Variants in CPED1 observed in about 807,000 individuals in gnomAD.
CPED1 encodes cadherin-like and PC-esterase domain-containing protein 1.
A neutral mutation model predicts 128.2 loss-of-function variants in CPED1; 114 were observed. The observed-to-expected ratio is 0.89, with a 90% CI of 0.76 to 1.04. The LOEUF (loss-of-function observed/expected upper bound fraction) is 1.04. Ranked by LOEUF, CPED1 falls within the 50% of genes least tolerant of loss-of-function variation. CPED1 has a pLI of 0.00. For missense variants in CPED1, 1,211 were observed against 1,207.1 expected (o/e 1.00, Z -0.05); for synonymous variants, 462 against 426.7 (o/e 1.08, Z -1.02).
At chr7:121,245,705 T>A (rs1207593270) in intron 18 of CPED1, among the ~76,000 whole-genome samples, 1 of 151,358 alleles carries the variant, frequency 6.6e-6, no homozygotes, top group Non-Finnish European at 1.5e-5. Flanking sequence ...CACAGGCATT[T>A]TTTTTTTTTT....
intron 22 of CPED1, among the ~76,000 whole-genome samples, chr7:121,290,576 CAT>C (rs1171387936): frequency 2.0e-5 from 3 of 152,132 alleles, no homozygotes; most frequent in Admixed American, 6.5e-5. Flanking sequence ...AGCTTTTTTT[CAT>C]ATGTTTATTG....
Position 121,244,215 on chromosome 7 carries a change from G to A in CPED1, c.2187G>A (p.Val729=), listed in dbSNP as rs1194226579. ...PSGDMKGQWI[V]PCLSCSDNRT... is the part of the protein sequence containing the mutation. ...CATCTATTCCAGGCCAGTGGATTGTGCCTTGCCTTAGTTGTTCGGACAACA... is the reference window on the plus strand; with the variant it reads ...CATCTATTCCAGGCCAGTGGATTGTACCTTGCCTTAGTTGTTCGGACAACA... The change falls in exon 18 of 23, where the codon GTG becomes GTA. Residue 729 remains valine, a synonymous_variant. Coordinates refer to ENST00000310396, the MANE Select transcript of CPED1 (RefSeq NM_024913.5). 2 of 1,614,168 alleles carry A rather than the reference G, an allele frequency of 1.2e-6. No individual in the cohort carries two copies. Among genetic ancestry groups the A allele is most frequent in the African/African-American group, 1.3e-5 (1 of 75,048 alleles).
chr7:121,127,385 C>A, intron 10 of CPED1, 128 bp downstream of exon 10: 1 of 535,318 alleles, frequency 1.9e-6, no homozygotes, highest in Non-Finnish European at 3.2e-6. Flanking sequence ...TTATATCACA[C>A]TTCTTAATTT....
At chr7:121,293,767 C>G (rs1206713546) in intron 22 of CPED1, among the ~76,000 whole-genome samples, 2 of 152,104 alleles carry the variant, frequency 1.3e-5, no homozygotes, top group Middle Eastern at 3.4e-3. Flanking sequence ...GAGGGAGTTC[C>G]CTAACCCCTT....
intron 2 of CPED1, among the ~76,000 whole-genome samples, 173 bp from the exon 3 acceptor site, chr7:121,015,492 T>C (rs1938696055): frequency 2.6e-5 from 4 of 152,242 alleles, no homozygotes; most frequent in Admixed American, 1.3e-4. Flanking sequence ...GACCTTCAGT[T>C]CTTGCATATG....
At chr7:121,062,559 G>A (rs1164658833) in intron 4 of CPED1, among the ~76,000 whole-genome samples, 2 of 152,016 alleles carry the variant, frequency 1.3e-5, no homozygotes, top group African/African-American at 4.8e-5. Context: ...TTTAGTTTCT[G>A]AGATTTCTCA....
intron 18 of CPED1, among the ~76,000 whole-genome samples, chr7:121,251,466 G>A (rs993530575): frequency 4.6e-5 from 7 of 151,928 alleles, no homozygotes; most frequent in African/African-American, 1.7e-4. Flanking sequence ...TTCTGGCCAG[G>A]GCAATCAGGC....
chr7:121,279,645 C>T (rs1288705332), intron 22 of CPED1, among the ~76,000 whole-genome samples: 2 of 152,124 alleles, frequency 1.3e-5, no homozygotes, highest in Non-Finnish European at 2.9e-5. Context: ...GGCTGAGACA[C>T]AGGTCAGAAA....
chr7:121,066,452 A>G (rs987805992), intron 5 of CPED1, among the ~76,000 whole-genome samples: 1 of 152,156 alleles, frequency 6.6e-6, no homozygotes, highest in African/African-American at 2.4e-5. Context: ...TATTCCTAAC[A>G]CATAATGTCC....
At chr7:121,179,861 C>A (rs879818251) in intron 16 of CPED1, among the ~76,000 whole-genome samples, 3 of 151,934 alleles carry the variant, frequency 2.0e-5, no homozygotes, top group Non-Finnish European at 4.4e-5. Context: ...TTGTTAGTAA[C>A]CATTTAATGT....
chr7:121,026,344 G>A (rs1792581044), intron 3 of CPED1, among the ~76,000 whole-genome samples: 1 of 152,014 alleles, frequency 6.6e-6, no homozygotes, highest in Non-Finnish European at 1.5e-5. Context: ...ACCAAGCCCT[G>A]TAAAATGTGC....
intron 16 of CPED1, among the ~76,000 whole-genome samples, chr7:121,145,329 A>G (rs1796000871): frequency 1.3e-5 from 2 of 152,076 alleles, no homozygotes; most frequent in Admixed American, 6.6e-5. Context: ...ATGTTACTGT[A>G]ATATCAAGAA....
At chr7:121,100,406 A>G (rs1466076048) in intron 7 of CPED1, among the ~76,000 whole-genome samples, 3 of 152,130 alleles carry the variant, frequency 2.0e-5, no homozygotes, top group Non-Finnish European at 2.9e-5. Flanking sequence ...TTTTTCACTT[A>G]TTCAAGAAAA....
chr7:121,072,619 A>G (rs969105371), intron 5 of CPED1, among the ~76,000 whole-genome samples: 4 of 152,170 alleles, frequency 2.6e-5, no homozygotes, highest in African/African-American at 9.7e-5. Context: ...AAGTACCCCT[A>G]GAGTTTTTTC....
intron 16 of CPED1, among the ~76,000 whole-genome samples, chr7:121,185,860 T>G (rs533426970): frequency 5.3e-4 from 80 of 152,312 alleles, no homozygotes; most frequent in Non-Finnish European, 9.1e-4. Context: ...TCCATAAGTC[T>G]CATTCCAGTG....
chr7:121,091,521 C>T (rs1794571506), intron 5 of CPED1, among the ~76,000 whole-genome samples: 1 of 152,098 alleles, frequency 6.6e-6, no homozygotes, highest in Non-Finnish European at 1.5e-5. Flanking sequence ...ATTGTAGCTA[C>T]TCTTTGAAAT....
chr7:121,028,544 T>C (rs1792654443), intron 3 of CPED1, among the ~76,000 whole-genome samples: 1 of 152,196 alleles, frequency 6.6e-6, no homozygotes, highest in South Asian at 2.1e-4. Flanking sequence ...TTTAAAATGA[T>C]AGCACAAGCA....
chr7:121,136,929 T>TACTCAG (rs1795798284), intron 14 of CPED1, among the ~76,000 whole-genome samples: 3 of 152,106 alleles, frequency 2.0e-5, no homozygotes. Flanking sequence ...GAAAAACTCC[T>TACTCAG]GAGTTTTCTT....
At chr7:121,109,830 CATT>C (rs1003976054) in intron 7 of CPED1, among the ~76,000 whole-genome samples, 9 of 152,104 alleles carry the variant, frequency 5.9e-5, no homozygotes, top group African/African-American at 2.2e-4. Context: ...AGAAGAAAAA[CATT>C]ATGCTAAGGA....
Sources: gnomAD v4.1 joint callset for allele counts (sites outside exome capture counted in the v4.1 genomes callset) on GRCh38, gnomAD v4.1.1 for gene constraint, MANE v1.5 for transcripts, NCBI Gene and HGNC (gene_info 2026-07-23, HGNC 2026-07-21) for gene names.